TMPRSS13: variants seen among roughly 807,000 people sequenced by gnomAD.
TMPRSS13 encodes the protein transmembrane protease serine 13.
In TMPRSS13, 50 loss-of-function variants were observed where a neutral mutation model predicts 68.4. The ratio of observed to expected loss-of-function variants is 0.73; its 90% CI spans 0.58 to 0.93. The LOEUF is 0.93. Among genes scored for constraint, TMPRSS13 ranks in the 40% least tolerant of loss-of-function variants. TMPRSS13 has a pLI of 0.00. For missense variants in TMPRSS13, 615 were observed against 729.2 expected (o/e 0.84, Z 1.80); for synonymous variants, 267 against 285.8 (o/e 0.93, Z 0.66).
chr11:117,902,862 C>T (rs998283417), intron 12 of TMPRSS13, among the ~76,000 whole-genome samples: 2 of 152,058 alleles, frequency 1.3e-5, no homozygotes, highest in African/African-American at 4.8e-5. Flanking sequence ...CAGAGTTCTT[C>T]AGTAAGAAAA....
At chr11:117,906,368 A>C (rs1251568002) in intron 9 of TMPRSS13, among the ~76,000 whole-genome samples, 1 of 152,240 alleles carries the variant, frequency 6.6e-6, no homozygotes. Context: ...TCACTTCATA[A>C]GCTCTGAGGA....
In TMPRSS13 at chr11:117,918,783, G is replaced by A. The variant is rs776550511; in HGVS notation, c.77C>T (p.Pro26Leu). 1.1e-5 allele frequency: 17 copies of A among 1,613,754 alleles called. No homozygotes were observed. Among genetic ancestry groups the A allele is most frequent in the Admixed American group, 3.3e-5 (2 of 60,004 alleles). The change falls in exon 2 of 13, where the codon CCA (proline) becomes CTA (leucine). Residue 26 changes from proline to leucine, a missense_variant. By Grantham distance (98) the Pro-to-Leu change is moderately conservative. Transcript: ENST00000524993. ...SAGASPAQAS[P>L]AGTPPGRASP... ...TGCCCGGCCTGGAGGTGTCCCAGCT[G>A]GAGATGCCTGGGCTGGAGATGCTCC...
chr11:117,911,874 G>C lies in TMPRSS13; in HGVS notation c.810-14C>G. 6.2e-7 allele frequency: 1 copy of C among 1,610,058 alleles called. No individual in the cohort carries two copies. ...GTCCGGTGAGCACTACAAGGGAGCA[G>C]AGGGGAGAAGAATGAGCCCCCTGGA... On this transcript the variant is annotated splice_polypyrimidine_tract_variant and intron_variant, in intron 5 of 12. Coordinates refer to ENST00000524993, the MANE Select transcript of TMPRSS13 (RefSeq NM_001077263.3).
intron 1 of TMPRSS13, among the ~76,000 whole-genome samples, chr11:117,920,626 T>C (rs1314388084): frequency 6.6e-6 from 1 of 152,074 alleles, no homozygotes; most frequent in Admixed American, 6.5e-5. Flanking sequence ...GAAGCTGGGA[T>C]TATATGCACC....
chr11:117,923,827 A>T (rs1360132636), intron 1 of TMPRSS13, among the ~76,000 whole-genome samples: 2 of 96,382 alleles, frequency 2.1e-5, no homozygotes, highest in African/African-American at 3.4e-5. Flanking sequence ...TAGAACTTAA[A>T]GTATAATAAT....
intron 9 of TMPRSS13, 102 bp downstream of exon 9, chr11:117,908,510 C>T (rs781548942): frequency 3.3e-5 from 45 of 1,356,638 alleles, no homozygotes; most frequent in Non-Finnish European, 4.1e-5. Context: ...CCTGCAGAAG[C>T]TTTGGGGCCC....
chr11:117,920,614 G>A (rs576889411), intron 1 of TMPRSS13, among the ~76,000 whole-genome samples: 4 of 151,974 alleles, frequency 2.6e-5, no homozygotes, highest in Admixed American at 6.6e-5. Flanking sequence ...TCAGCCTCCC[G>A]AGAAGCTGGG....
In TMPRSS13 at chr11:117,901,876, G is replaced by A. The variant is rs1297277890; in HGVS notation, c.*363C>T. On this transcript the variant is annotated 3_prime_UTR_variant, in exon 13 of 13. Coordinates refer to ENST00000524993, the MANE Select transcript of TMPRSS13 (RefSeq NM_001077263.3). The stretch of plus-strand genomic sequence containing the variant: ...CACACTGGGCTAGTCTGTAAGTGAG[G>A]GTCAGAGAAGCAAGAATTCCCAGCT... 9.4e-6 allele frequency: 3 copies of A among 318,524 alleles called. No homozygotes were observed. Among genetic ancestry groups the A allele is most frequent in the East Asian group, 1.3e-4 (2 of 15,378 alleles). The allele number at this position is 318,524 out of a possible 1,614,324, so 19.7% of individuals were successfully genotyped here.
chr11:117,923,683 C>T (rs925752342), intron 1 of TMPRSS13, among the ~76,000 whole-genome samples: 3 of 151,750 alleles, frequency 2.0e-5, no homozygotes, highest in Admixed American at 1.3e-4. Flanking sequence ...CAGGGCCTGT[C>T]GGGGAGTGGG....
At chr11:117,917,038 G>A (rs2057584897) in intron 3 of TMPRSS13, 132 bp downstream of exon 3, 7 of 753,804 alleles carry the variant, frequency 9.3e-6, no homozygotes, top group Middle Eastern at 3.5e-4. Context: ...TTGCAGGAGT[G>A]TCCCTCTCTG....
intron 9 of TMPRSS13, among the ~76,000 whole-genome samples, chr11:117,906,097 T>G (rs2057462605): frequency 6.6e-6 from 1 of 152,262 alleles, no homozygotes; most frequent in African/African-American, 2.4e-5. Context: ...CTCTTCCATG[T>G]CTTTCCATTA....
chr11:117,928,583 G>A (rs535407853), intron 1 of TMPRSS13, among the ~76,000 whole-genome samples: 40 of 152,296 alleles, frequency 2.6e-4, no homozygotes, highest in African/African-American at 9.4e-4. Flanking sequence ...AAAAGAAAGT[G>A]GAGGCACAGC....
intron 8 of TMPRSS13, among the ~76,000 whole-genome samples, chr11:117,909,241 G>A (rs1308660038): frequency 6.6e-6 from 1 of 152,216 alleles, no homozygotes. Context: ...TAAGATCTCA[G>A]TATTATTACC....
intron 3 of TMPRSS13, among the ~76,000 whole-genome samples, chr11:117,916,398 TAAGAAG>T (rs2057578533): frequency 6.6e-6 from 1 of 152,248 alleles, no homozygotes; most frequent in Non-Finnish European, 1.5e-5. Context: ...CCCACAGCTG[TAAGAAG>T]CTATCCCCTG....
At chr11:117,928,387 G>A (rs1294892799) in intron 1 of TMPRSS13, among the ~76,000 whole-genome samples, 1 of 152,186 alleles carries the variant, frequency 6.6e-6, no homozygotes, top group Non-Finnish European at 1.5e-5. Flanking sequence ...CATTGGGGGT[G>A]CAGAATGGAC....
intron 3 of TMPRSS13, 63 bp downstream of exon 3, chr11:117,917,107 C>T (rs770235245): frequency 7.2e-7 from 1 of 1,389,126 alleles, no homozygotes; most frequent in Non-Finnish European, 1.0e-6. Context: ...CTGCCCCCAT[C>T]CCTGGGTCCC....
At chr11:117,909,394 G>A (rs1394515543) in intron 8 of TMPRSS13, among the ~76,000 whole-genome samples, 4 of 152,216 alleles carry the variant, frequency 2.6e-5, no homozygotes, top group Non-Finnish European at 5.9e-5. Context: ...GCTGGTGACC[G>A]TTAGCAGCTG....
rs145884217 is a variant in TMPRSS13 at position 117,910,650 on chromosome 11, CT to C, written c.946+56del. On this transcript the variant is annotated intron_variant, in intron 7 of 12. Transcript: ENST00000524993. ...CACCTCCCTTGGAGGAGTGCTGCCC[CT>C]CTGCCCTTTACTCCCACACGACACT... 11,017 of 1,543,778 alleles carry C rather than the reference CT, an allele frequency of 7.1e-3. 640 individuals carry two copies. In the African/African-American group the frequency reaches 0.12, roughly 17 times the overall value.
chr11:117,908,575 T>TG (rs754783962), intron 9 of TMPRSS13, 37 bp downstream of exon 9: 3 of 1,545,256 alleles, frequency 1.9e-6, no homozygotes, highest in Admixed American at 3.9e-5. Flanking sequence ...GTGCTGGGGC[T>TG]GGGGGGCAGG....
Sources: gnomAD v4.1 joint callset for allele counts (sites outside exome capture counted in the v4.1 genomes callset) on GRCh38, gnomAD v4.1.1 for gene constraint, MANE v1.5 for transcripts, NCBI Gene and HGNC (gene_info 2026-07-23, HGNC 2026-07-21) for gene names.